Variants in INPP4B observed in about 807,000 individuals in gnomAD.
INPP4B encodes the protein inositol polyphosphate 4-phosphatase type II.
Under a neutral mutation model 122.5 loss-of-function variants are expected in INPP4B, and 55 were observed. The ratio of observed to expected loss-of-function variants is 0.45; its 90% CI spans 0.36 to 0.56. The LOEUF is 0.56. Ranked by LOEUF, INPP4B falls within the 20% of genes least tolerant of loss-of-function variation. INPP4B has a pLI of 0.00. For synonymous variants in INPP4B, 403 were observed against 388.7 expected (o/e 1.04, Z -0.43); for missense variants, 1,000 against 1,097.7 (o/e 0.91, Z 1.26).
At chr4:142,304,845 A>G (rs1049712547) in intron 9 of INPP4B, among the ~76,000 whole-genome samples, 8 of 152,208 alleles carry the variant, frequency 5.3e-5, no homozygotes, top group Non-Finnish European at 1.0e-4. Context: ...GAATTTAAAA[A>G]GAAAAATTTA....
At chr4:142,608,037 A>G (rs915514305) in intron 2 of INPP4B, among the ~76,000 whole-genome samples, 2 of 152,144 alleles carry the variant, frequency 1.3e-5, no homozygotes, top group Non-Finnish European at 2.9e-5. Context: ...ATTTTCCATT[A>G]TCTGACATAT....
At chr4:142,543,201 T>C (rs964376312) in intron 2 of INPP4B, among the ~76,000 whole-genome samples, 1 of 152,186 alleles carries the variant, frequency 6.6e-6, no homozygotes, top group African/African-American at 2.4e-5. Flanking sequence ...ATCATTGCAT[T>C]ACTGTGGCTC....
intron 1 of INPP4B, among the ~76,000 whole-genome samples, chr4:142,839,938 T>C (rs948715643): frequency 1.3e-5 from 2 of 152,238 alleles, no homozygotes; most frequent in African/African-American, 4.8e-5. Context: ...GTCCACCACA[T>C]TGATCTTGAG....
At chr4:142,546,173 T>C (rs1829628892) in intron 2 of INPP4B, among the ~76,000 whole-genome samples, 1 of 152,106 alleles carries the variant, frequency 6.6e-6, no homozygotes, top group Non-Finnish European at 1.5e-5. Context: ...CACTTGTAAA[T>C]GAGAACATGT....
chr4:142,512,963 T>G lies in INPP4B; in HGVS notation c.-190-50237A>C, dbSNP rs531742670. On this transcript the variant is annotated intron_variant, in intron 2 of 25. Transcript: ENST00000262992. The stretch of plus-strand genomic sequence containing the variant: ...TCTATCAAATATGTACACAAAATCA[T>G]GCTGAATTAAAAATTTGACATATAG... 3.9e-5 allele frequency among the ~76,000 whole-genome samples: 6 copies of G among 152,338 alleles called. No homozygotes were observed. The South Asian group carries it at 1.2e-3, about 32-fold the overall frequency.
At chr4:142,408,957 G>A (rs1254576495) in intron 5 of INPP4B, among the ~76,000 whole-genome samples, 2 of 152,102 alleles carry the variant, frequency 1.3e-5, no homozygotes, top group Non-Finnish European at 1.5e-5. Context: ...TAATAATACA[G>A]AAGGAATATA....
chr4:142,147,220 T>C (rs1426453226), intron 17 of INPP4B, among the ~76,000 whole-genome samples: 2 of 152,294 alleles, frequency 1.3e-5, no homozygotes, highest in Admixed American at 6.5e-5. Context: ...TAAATTAGAG[T>C]ATTTCCTTAG....
chr4:142,444,344 C>T lies in INPP4B; in HGVS notation c.-126-12959G>A, dbSNP rs546864751. Among the ~76,000 whole-genome samples the T allele has an allele frequency of 2.4e-4, 37 of 152,076 alleles. No individual in the cohort carries two copies. The South Asian group carries it at 5.4e-3, about 22-fold the overall frequency. ...AAACAACCCCATCAAAAAGTGTGGG[C>T]GTAGGATATGAACAGAGACTTCTCA... is the stretch of plus-strand genomic sequence containing the variant. On this transcript the variant is annotated intron_variant, in intron 3 of 25. Transcript: ENST00000262992.
chr4:142,718,154 G>C (rs1277227291), intron 2 of INPP4B, among the ~76,000 whole-genome samples: 1 of 152,146 alleles, frequency 6.6e-6, no homozygotes, highest in Non-Finnish European at 1.5e-5. Context: ...TGCAGCAGCA[G>C]AAAAGCAGTC....
intron 1 of INPP4B, among the ~76,000 whole-genome samples, chr4:142,844,451 A>G (rs28367408): frequency 0.057 from 8,681 of 152,326 alleles, 278 homozygotes; most frequent in Middle Eastern, 0.13. Context: ...TTAAGGAAAT[A>G]CACTGAAAAA....
At chr4:142,669,739 A>G (rs2150624843) in intron 2 of INPP4B, among the ~76,000 whole-genome samples, 1 of 152,322 alleles carries the variant, frequency 6.6e-6, no homozygotes, top group South Asian at 2.1e-4. Context: ...GTTCCATAAC[A>G]TTGGTCTGGG....
intron 18 of INPP4B, among the ~76,000 whole-genome samples, chr4:142,133,044 C>A (rs1211530248): frequency 6.6e-6 from 1 of 152,150 alleles, no homozygotes; most frequent in Admixed American, 6.5e-5. Context: ...TATTTTCTAA[C>A]CCCGGCTTTC....
chr4:142,626,352 A>T (rs1158703977), intron 2 of INPP4B, among the ~76,000 whole-genome samples: 2 of 151,978 alleles, frequency 1.3e-5, no homozygotes, highest in East Asian at 3.9e-4. Flanking sequence ...AGGGACAGGG[A>T]TCTTCTTTAA....
intron 2 of INPP4B, among the ~76,000 whole-genome samples, chr4:142,668,772 G>A (rs1756522302): frequency 6.6e-6 from 1 of 152,112 alleles, no homozygotes; most frequent in South Asian, 2.1e-4. Flanking sequence ...ATCATGGCTG[G>A]GCGTGGTGGC....
At chr4:142,513,963 T>A (rs1186282410) in intron 2 of INPP4B, among the ~76,000 whole-genome samples, 2 of 152,172 alleles carry the variant, frequency 1.3e-5, no homozygotes, top group African/African-American at 4.8e-5. Flanking sequence ...ATTCCTGTTT[T>A]GGAGAAAGAA....
chr4:142,835,891 A>G (rs1250669630), intron 1 of INPP4B, among the ~76,000 whole-genome samples: 1 of 152,178 alleles, frequency 6.6e-6, no homozygotes, highest in Middle Eastern at 3.2e-3. Context: ...TTCCTGGAGG[A>G]CCATGAGACA....
At chr4:142,675,630 A>G (rs1757649614) in intron 2 of INPP4B, among the ~76,000 whole-genome samples, 1 of 152,208 alleles carries the variant, frequency 6.6e-6, no homozygotes, top group Non-Finnish European at 1.5e-5. Flanking sequence ...CCAGCAGCAC[A>G]TCAAAAAGCT....
intron 7 of INPP4B, among the ~76,000 whole-genome samples, chr4:142,332,847 T>TA (rs533319161): frequency 0.027 from 3,298 of 123,408 alleles, 115 homozygotes; most frequent in African/African-American, 0.082. Context: ...TACTAAAAAT[T>TA]AAAAAAAAAA....
intron 5 of INPP4B, among the ~76,000 whole-genome samples, chr4:142,424,887 C>A (rs1497391): frequency 0.32 from 47,943 of 151,682 alleles, 7,653 homozygotes; most frequent in East Asian, 0.36. Context: ...TCCACATTGC[C>A]TATTATTTAT....
Sources: gnomAD v4.1 joint callset for allele counts (sites outside exome capture counted in the v4.1 genomes callset) on GRCh38, gnomAD v4.1.1 for gene constraint, MANE v1.5 for transcripts, NCBI Gene and HGNC (gene_info 2026-07-23, HGNC 2026-07-21) for gene names.